The following CEP43 variants were observed in gnomAD, a reference collection of about 807,000 sequenced individuals.
CEP43 encodes the protein FGFR1 oncogene partner.
In CEP43, 36 loss-of-function variants were observed where a neutral mutation model predicts 52.6. The ratio of observed to expected loss-of-function variants is 0.68; its 90% CI spans 0.52 to 0.90. The LOEUF (loss-of-function observed/expected upper bound fraction) is 0.90, where lower values mean the gene tolerates loss of function less well. Among genes scored for constraint, CEP43 ranks in the 40% least tolerant of loss-of-function variants. The probability of loss-of-function intolerance (pLI) is 0.00; values close to 1 mark genes in which losing one functional copy is unlikely to be tolerated. For missense variants in CEP43, 506 were observed against 472.8 expected, an observed-to-expected ratio of 1.07 and a Z score of -0.65; for synonymous variants, 192 against 172.4, an observed-to-expected ratio of 1.11 and a Z score of -0.89.
chr6:167,003,972 A>G (rs755893976), intron 4 of CEP43, 161 bp downstream of exon 4: 60 of 610,932 alleles, frequency 9.8e-5, no homozygotes, highest in Non-Finnish European at 1.5e-4. Flanking sequence ...ATGAGCTTTC[A>G]GATAGCTGGC....
At chr6:167,037,649 C>G (rs916878218) in intron 12 of CEP43, among the ~76,000 whole-genome samples, 1 of 152,182 alleles carries the variant, frequency 6.6e-6, no homozygotes, top group African/African-American at 2.4e-5. Context: ...ACTTAAATTT[C>G]TGAATATCCG....
At position 167,041,074 on chromosome 6, in the gene CEP43, G is replaced by C; in HGVS notation, c.*1096G>C. 3 of 1,036,216 alleles carry C rather than the reference G, an allele frequency of 2.9e-6. No homozygotes were observed. Among genetic ancestry groups the C allele is most frequent in the Non-Finnish European group, 3.5e-6 (3 of 860,948 alleles). 64.2% of individuals were successfully genotyped at this position (1,036,216 alleles called of 1,614,324 possible). A position where few individuals can be genotyped will look rare whatever the true frequency, so the allele number is the denominator to read the frequency against. On this transcript the variant is annotated 3_prime_UTR_variant, in exon 13 of 13. Transcript: ENST00000366847. ...TTATATATAAGTAAAGCAGGATTGT[G>C]CTGTTTTTGCACTTTATAATTTCAA...
intron 10 of CEP43, chr6:167,028,274 G>A (rs989664486): frequency 1.4e-5 from 14 of 985,262 alleles, no homozygotes; most frequent in African/African-American, 3.5e-5. Context: ...GGGAGCTGCC[G>A]AGAATTGTCA....
chr6:167,016,068 A>G (rs184513215), intron 7 of CEP43, among the ~76,000 whole-genome samples: 44 of 146,862 alleles, frequency 3.0e-4, no homozygotes, highest in Middle Eastern at 3.6e-3. Flanking sequence ...AATTGTTTGG[A>G]AAAAAAAAAA....
At position 167,048,927 on chromosome 6, in the gene CEP43, A is replaced by G. The variant is rs572397976; in HGVS notation, c.*8949A>G. The G allele has an allele frequency of 6.6e-6, 1 of 152,380 alleles. No individual in the cohort carries two copies. The highest frequency in any genetic ancestry group is 1.5e-5 in the Non-Finnish European group (1 of 68,044). The allele number at this position is 152,380 out of a possible 1,614,324, so 9.4% of individuals were successfully genotyped here. On this transcript the variant is annotated 3_prime_UTR_variant, in exon 13 of 13. Transcript: ENST00000366847. ...GTGACAATTCTAGTACTTTCATGAC[A>G]TTTTAAAAAAGGGATTGTAAAGACT...
Position 167,040,679 on chromosome 6 carries a change from T to C in CEP43, c.*701T>C, listed in dbSNP as rs1344999196. 1.1e-5 allele frequency: 11 copies of C among 1,023,428 alleles called. No individual in the cohort carries two copies. Among genetic ancestry groups the C allele is most frequent in the Non-Finnish European group, 1.2e-5 (10 of 850,882 alleles). The allele number at this position is 1,023,428 out of a possible 1,614,324, so 63.4% of individuals were successfully genotyped here. A position where few individuals can be genotyped will look rare whatever the true frequency, so the allele number is the denominator to read the frequency against. ...TTTGCAATCGTCATTCCTCCTGTTA[T>C]CCATGTAAGCAGCTTTAGTCGTAGG... On this transcript the variant is annotated 3_prime_UTR_variant, in exon 13 of 13. Transcript: ENST00000366847.
rs1780805170 is a variant in CEP43, at chr6:167,046,750, C to G, written c.*6772C>G. ...GAGACCTATGTCACCAAGGCCAGGC[C>G]CTCTCAGGGGGCTCCATCCAACGAC... On this transcript the variant is annotated 3_prime_UTR_variant, in exon 13 of 13. Transcript: ENST00000366847. 1 of 152,322 alleles carries G rather than the reference C, an allele frequency of 6.6e-6. No individual in the cohort carries two copies. The highest frequency in any genetic ancestry group is 1.5e-5 in the Non-Finnish European group (1 of 68,140). 9.4% of individuals were successfully genotyped at this position (152,322 alleles called of 1,614,324 possible).
chr6:167,017,301 G>T (rs1337075493), intron 7 of CEP43, among the ~76,000 whole-genome samples: 2 of 152,056 alleles, frequency 1.3e-5, no homozygotes, highest in Non-Finnish European at 2.9e-5. Flanking sequence ...GGCCAATAAT[G>T]ATACAAATTT....
intron 2 of CEP43, among the ~76,000 whole-genome samples, chr6:167,002,011 G>T (rs1013169712): frequency 2.0e-5 from 3 of 152,062 alleles, no homozygotes; most frequent in Non-Finnish European, 2.9e-5. Context: ...TCCTCTCCTT[G>T]TCTTTTATTT....
rs373059737 is a variant in CEP43 at position 167,027,968 on chromosome 6, G to A, written c.988+1353G>A. On this transcript the variant is annotated intron_variant, in intron 10 of 12. Transcript: ENST00000366847. ...TTGTGCTGCCATCTGCTCTTTGTGC[G>A]TCCTGGTTGCTGGCTGGCCAGCTAG... 2.0e-3 allele frequency: 1,987 copies of A among 986,088 alleles called. 55 individuals are homozygous for A. In the South Asian group the frequency reaches 0.06, roughly 30 times the overall value. 61.1% of individuals were successfully genotyped at this position (986,088 alleles called of 1,614,324 possible). A position where few individuals can be genotyped will look rare whatever the true frequency, so the allele number is the denominator to read the frequency against.
At chr6:167,012,060 C>T (rs1484077308) in intron 6 of CEP43, among the ~76,000 whole-genome samples, 2 of 152,156 alleles carry the variant, frequency 1.3e-5, no homozygotes, top group East Asian at 3.8e-4. Context: ...GATGAGGTCC[C>T]ATGTGGGTTT....
chr6:167,029,563 G>A (rs1780424192), intron 10 of CEP43, among the ~76,000 whole-genome samples: 1 of 152,242 alleles, frequency 6.6e-6, no homozygotes. Flanking sequence ...TTGAATTTGG[G>A]ATGCTTAACC....
intron 10 of CEP43, among the ~76,000 whole-genome samples, chr6:167,030,690 T>C (rs1015690161): frequency 5.9e-5 from 9 of 152,202 alleles, no homozygotes; most frequent in Non-Finnish European, 1.2e-4. Context: ...CCAAGCCTTT[T>C]ACCCCTGTTC....
At chr6:167,020,715 C>G (rs162287) in intron 7 of CEP43, among the ~76,000 whole-genome samples, 1 of 151,850 alleles carries the variant, frequency 6.6e-6, no homozygotes, top group Non-Finnish European at 1.5e-5. Context: ...TCGAGACCAG[C>G]GTGGCCAACA....
chr6:167,008,198 G>C (rs1000346753), intron 5 of CEP43, among the ~76,000 whole-genome samples: 8 of 151,086 alleles, frequency 5.3e-5, no homozygotes, highest in African/African-American at 1.9e-4. Context: ...AAAGTGGCTT[G>C]TGTTTTTTCG....
In CEP43 at chr6:167,013,488, C is replaced by A; in HGVS notation, c.520-20C>A. On this transcript the variant is annotated intron_variant, in intron 6 of 12. Coordinates refer to ENST00000366847, the MANE Select transcript of CEP43 (RefSeq NM_007045.4). ...AGATTTCTATTTTGTGGTAAAATCT[C>A]ATTTTATTCTCATGCTCAGATACCA... 6.3e-7 allele frequency: 1 copy of A among 1,596,346 alleles called. No homozygotes were observed. Among genetic ancestry groups the A allele is most frequent in the South Asian group, 1.1e-5 (1 of 89,470 alleles).
At chr6:167,012,826 C>A (rs184151862) in intron 6 of CEP43, among the ~76,000 whole-genome samples, 105 of 152,250 alleles carry the variant, frequency 6.9e-4, no homozygotes, top group African/African-American at 2.4e-3. Context: ...AGCGTTTGTC[C>A]TAACAGCTGT....
intron 5 of CEP43, among the ~76,000 whole-genome samples, chr6:167,006,171 T>C (rs73026214): frequency 0.02 from 3,089 of 152,340 alleles, 52 homozygotes; most frequent in East Asian, 0.092. Flanking sequence ...CACGGAGGAC[T>C]CTGTGTGTTA....
In CEP43 at chr6:167,044,393, C is replaced by A; in HGVS notation, c.*4415C>A. ...AGCTCAAAGGCAATTTCAAAGAAAT[C>A]TTTATGTTTAGCAAGAAGACCAAGA... On this transcript the variant is annotated 3_prime_UTR_variant, in exon 13 of 13. Transcript: ENST00000366847. 1 of 985,324 alleles carries A rather than the reference C, an allele frequency of 1.0e-6. No homozygotes were observed. The highest frequency in any genetic ancestry group is 1.2e-6 in the Non-Finnish European group (1 of 829,874). The allele number at this position is 985,324 out of a possible 1,614,324, so 61.0% of individuals were successfully genotyped here.
Sources: gnomAD v4.1 joint callset for allele counts (sites outside exome capture counted in the v4.1 genomes callset) on GRCh38, gnomAD v4.1.1 for gene constraint, MANE v1.5 for transcripts, NCBI Gene and HGNC (gene_info 2026-07-23, HGNC 2026-07-21) for gene names.